OR4Q3: variants seen among roughly 807,000 people sequenced by gnomAD.
OR4Q3 encodes the protein olfactory receptor family 4 subfamily Q member 3.
In OR4Q3, 17 loss-of-function variants were observed where a neutral mutation model predicts 18.8. The ratio of observed to expected loss-of-function variants is 0.91; its 90% CI spans 0.62 to 1.36. The LOEUF (loss-of-function observed/expected upper bound fraction) is 1.36, where lower values mean the gene tolerates loss of function less well. OR4Q3 is among the 40% of genes most tolerant of loss of function. The pLI is 0.00. For missense variants in OR4Q3, 378 were observed against 373.4 expected (o/e 1.01, Z -0.10); for synonymous variants, 158 against 145.8 (o/e 1.08, Z -0.60).
exon 2 of OR4Q3, chr14:19,749,226 T>G: frequency 2.0e-5 from 3 of 152,272 alleles, no homozygotes; most frequent in South Asian, 2.1e-4. Context: ...CCTCTGAGTC[T>G]CAAACATGCT....
downstream of OR4Q3, among the ~76,000 whole-genome samples, chr14:19,750,341 A>G: frequency 6.6e-6 from 1 of 152,218 alleles, no homozygotes; most frequent in African/African-American, 2.4e-5. Flanking sequence ...AAAATCCCTA[A>G]AAAGGTTAAC....
chr14:19,747,882 G>C, exon 2 of OR4Q3: 1 of 1,614,000 alleles, frequency 6.2e-7, no homozygotes, highest in Non-Finnish European at 8.5e-7. Context: ...TGCTGGTGTG[G>C]GGGTTTTATC....
At chr14:19,751,062 C>T, downstream of OR4Q3, among the ~76,000 whole-genome samples, 1 of 152,256 alleles carries the variant, frequency 6.6e-6, no homozygotes, top group Admixed American at 6.5e-5. Context: ...CCAGCTGCAA[C>T]ATCCCTTTTT....
At chr14:19,745,062 C>T in intron 1 of OR4Q3, among the ~76,000 whole-genome samples, 2 of 152,134 alleles carry the variant, frequency 1.3e-5, no homozygotes, top group Non-Finnish European at 2.9e-5. Flanking sequence ...CCAAGAATAA[C>T]CAGAATCCAG....
At chr14:19,748,059 G>C in exon 2 of OR4Q3, 2 of 1,613,908 alleles carry the variant, frequency 1.2e-6, no homozygotes, top group Non-Finnish European at 1.7e-6. Flanking sequence ...TCTCTTGTCT[G>C]CTTCTTGGTC....
chr14:19,747,560 A>T lies in OR4Q3; in HGVS notation c.157A>T (p.Ile53Leu). The T allele has an allele frequency of 1.8e-5, 29 of 1,613,630 alleles. No individual in the cohort carries two copies. The Admixed American group carries it at 2.0e-4, about 11-fold the overall frequency. ...TGCTATTGTCCTGGGAAACCTCTTGATAGTGGTAACAGTGCAAGCCCATGC... is the reference window on the plus strand; with the variant it reads ...TGCTATTGTCCTGGGAAACCTCTTGTTAGTGGTAACAGTGCAAGCCCATGC... Residue 53 changes from isoleucine to leucine, a missense_variant, in exon 2 of 2, where the codon ATA becomes TTA. Ile to Leu is a conservative substitution (Grantham distance 5, BLOSUM62 2). Transcript: ENST00000642117.
At chr14:19,747,559 G>C in exon 2 of OR4Q3, 1 of 1,613,668 alleles carries the variant, frequency 6.2e-7, no homozygotes, top group Non-Finnish European at 8.5e-7. Context: ...GAAACCTCTT[G>C]ATAGTGGTAA....
chr14:19,749,858 CT>C, downstream of OR4Q3, among the ~76,000 whole-genome samples: 1 of 9,846 alleles, frequency 1.0e-4, no homozygotes, highest in Non-Finnish European at 5.6e-4. Context: ...TTCTTTCTTT[CT>C]TTCTTTCTTT....
At chr14:19,751,772 CT>C, downstream of OR4Q3, among the ~76,000 whole-genome samples, 17,094 of 150,034 alleles carry the variant, frequency 0.11, 569 homozygotes, top group South Asian at 0.22. Context: ...TCATTTGGAT[CT>C]TTTTTTTTAT....
chr14:19,744,813 G>A, intron 1 of OR4Q3, among the ~76,000 whole-genome samples: 7 of 152,138 alleles, frequency 4.6e-5, no homozygotes, highest in Non-Finnish European at 7.4e-5. Context: ...GTTGTGACTG[G>A]GGTTAGTTTT....
chr14:19,749,421 A>T, exon 2 of OR4Q3: 1 of 152,424 alleles, frequency 6.6e-6, no homozygotes, highest in Non-Finnish European at 1.5e-5. Flanking sequence ...CAATATGGAG[A>T]AACCCCGTCT....
chr14:19,746,394 C>G, intron 1 of OR4Q3, among the ~76,000 whole-genome samples: 4 of 151,916 alleles, frequency 2.6e-5, no homozygotes, highest in African/African-American at 7.3e-5. Flanking sequence ...ATGGATCTAA[C>G]AATATCTTAG....
downstream of OR4Q3, among the ~76,000 whole-genome samples, chr14:19,750,371 A>G: frequency 2.6e-3 from 396 of 152,336 alleles, no homozygotes; most frequent in African/African-American, 8.8e-3. Flanking sequence ...TATATTTAAG[A>G]TTATCCATCT....
At chr14:19,746,203 T>C in intron 1 of OR4Q3, among the ~76,000 whole-genome samples, 1 of 152,220 alleles carries the variant, frequency 6.6e-6, no homozygotes, top group African/African-American at 2.4e-5. Context: ...AAATAAAATT[T>C]TGTCTTATTT....
downstream of OR4Q3, among the ~76,000 whole-genome samples, chr14:19,752,047 A>C: frequency 2.6e-5 from 4 of 152,248 alleles, no homozygotes; most frequent in Non-Finnish European, 4.4e-5. Context: ...ATTTAAATAT[A>C]AGACCACAAA....
intron 1 of OR4Q3, among the ~76,000 whole-genome samples, chr14:19,746,025 T>C: frequency 6.6e-6 from 1 of 152,098 alleles, no homozygotes; most frequent in African/African-American, 2.4e-5. Context: ...AATAACATCC[T>C]AGAGAAAGTT....
downstream of OR4Q3, among the ~76,000 whole-genome samples, chr14:19,752,125 C>T: frequency 1.3e-5 from 2 of 152,314 alleles, no homozygotes; most frequent in Admixed American, 6.5e-5. Context: ...AAAAAATTAG[C>T]TAAGTCCCCC....
exon 2 of OR4Q3, chr14:19,749,092 G>T: frequency 1.3e-5 from 2 of 152,366 alleles, no homozygotes; most frequent in Non-Finnish European, 2.9e-5. Context: ...ATTACAGTGG[G>T]GGTGAATAGA....
At chr14:19,751,756 CTG>C, downstream of OR4Q3, among the ~76,000 whole-genome samples, 1 of 143,674 alleles carries the variant, frequency 7.0e-6, no homozygotes, top group Admixed American at 7.2e-5. Flanking sequence ...TCCTTTTTGA[CTG>C]TACTCATTTG....
Sources: allele counts gnomAD v4.1 joint callset (sites outside exome capture counted in the v4.1 genomes callset), GRCh38; gene constraint gnomAD v4.1.1; transcripts MANE v1.5; gene names NCBI Gene and HGNC (gene_info 2026-07-23, HGNC 2026-07-21).